Variants in ERG observed in about 807,000 individuals in gnomAD.
ERG encodes the protein ETS transcription factor ERG.
Under a neutral mutation model 55.3 loss-of-function variants are expected in ERG, and 9 were observed. That is an observed-to-expected ratio of 0.16 (90% confidence interval 0.10 to 0.28). The LOEUF (loss-of-function observed/expected upper bound fraction) is 0.28, where lower values mean the gene tolerates loss of function less well. Ranked by LOEUF, ERG falls within the 10% of genes least tolerant of loss-of-function variation. The probability of loss-of-function intolerance (pLI) is 1.00; values close to 1 mark genes in which losing one functional copy is unlikely to be tolerated. For missense variants in ERG, 434 were observed against 631.6 expected, an observed-to-expected ratio of 0.69 and a Z score of 3.35; for synonymous variants, 223 against 237.3, an observed-to-expected ratio of 0.94 and a Z score of 0.55.
chr21:38,619,586 C>T (rs1000468037), intron 1 of ERG, among the ~76,000 whole-genome samples: 1 of 152,240 alleles, frequency 6.6e-6, no homozygotes, highest in South Asian at 2.1e-4. Flanking sequence ...AGGGATAGCT[C>T]AGGAGGCCCT....
At chr21:38,371,089 T>G in the ERG span, among the ~76,000 whole-genome samples, 1 of 152,128 alleles carries the variant, frequency 6.6e-6, no homozygotes, top group Non-Finnish European at 1.5e-5. Context: ...TTAATGTTTT[T>G]AAATGAAGGT....
intron 1 of ERG, chr21:38,584,764 C>G (rs1175367457): frequency 6.6e-6 from 1 of 151,996 alleles, no homozygotes. Context: ...AGGAAAGATA[C>G]AAAATATTTA....
intron 1 of ERG, among the ~76,000 whole-genome samples, chr21:38,594,301 A>G (rs1260915258): frequency 1.3e-5 from 2 of 152,216 alleles, no homozygotes; most frequent in Non-Finnish European, 2.9e-5. Context: ...TATTTAAAAT[A>G]GAAATCATGA....
intron 1 of ERG, among the ~76,000 whole-genome samples, chr21:38,487,120 C>CT (rs5843910): frequency 0.15 from 19,189 of 127,388 alleles, 1,583 homozygotes; most frequent in East Asian, 0.4. Context: ...CCTCACTCCT[C>CT]TTTTTTTTTT....
At chr21:38,376,254 G>C (rs957813040), downstream of ERG, among the ~76,000 whole-genome samples, 1 of 152,188 alleles carries the variant, frequency 6.6e-6, no homozygotes, top group African/African-American at 2.4e-5. Context: ...AATATGATGA[G>C]GGGAGGGGTT....
intron 2 of ERG, among the ~76,000 whole-genome samples, chr21:38,511,935 CA>C: frequency 6.6e-6 from 1 of 152,286 alleles, no homozygotes; most frequent in South Asian, 2.1e-4. Context: ...AAGGTGCAAC[CA>C]AAAACTGTCC....
chr21:38,577,447 C>G (rs747854219), intron 1 of ERG, among the ~76,000 whole-genome samples: 3 of 152,050 alleles, frequency 2.0e-5, no homozygotes, highest in Non-Finnish European at 4.4e-5. Context: ...GTACTTCCCC[C>G]CACCCCCACC....
chr21:38,605,021 A>AT (rs967679687), intron 1 of ERG, among the ~76,000 whole-genome samples: 1 of 152,068 alleles, frequency 6.6e-6, no homozygotes, highest in Admixed American at 6.6e-5. Context: ...TAGATGAAAT[A>AT]TTTTTCTCCA....
intron 1 of ERG, among the ~76,000 whole-genome samples, chr21:38,636,771 A>G: frequency 6.6e-6 from 1 of 152,180 alleles, no homozygotes; most frequent in Non-Finnish European, 1.5e-5. Context: ...CTGACAGGAA[A>G]AAGAACTCTC....
intron 1 of ERG, among the ~76,000 whole-genome samples, chr21:38,636,649 T>C (rs2060390929): frequency 1.3e-5 from 2 of 152,152 alleles, no homozygotes; most frequent in South Asian, 2.1e-4. Flanking sequence ...AGGAAGAATG[T>C]ACTCTGGCCC....
intron 2 of ERG, among the ~76,000 whole-genome samples, chr21:38,435,121 C>A (rs183523902): frequency 1.3e-5 from 2 of 152,242 alleles, no homozygotes; most frequent in Admixed American, 6.5e-5. Context: ...TGCGAGAGAA[C>A]CCCCACAAGG....
intron 1 of ERG, among the ~76,000 whole-genome samples, chr21:38,579,907 G>A (rs1461138289): frequency 6.6e-6 from 1 of 150,666 alleles, no homozygotes; most frequent in African/African-American, 2.4e-5. Flanking sequence ...TGCAACCTCT[G>A]CCTCCCGGGT....
intron 1 of ERG, among the ~76,000 whole-genome samples, chr21:38,486,434 T>G (rs2059286340): frequency 6.6e-6 from 1 of 152,170 alleles, no homozygotes; most frequent in Non-Finnish European, 1.5e-5. Context: ...CTTTGTGATG[T>G]TTGCACGATG....
At chr21:38,376,517 A>T (rs955068759), downstream of ERG, among the ~76,000 whole-genome samples, 6 of 152,132 alleles carry the variant, frequency 3.9e-5, no homozygotes, top group Admixed American at 2.0e-4. Context: ...TGGTCTGCCC[A>T]CTGCAGGCTT....
At chr21:38,616,975 C>G (rs1457818644) in intron 1 of ERG, among the ~76,000 whole-genome samples, 1 of 152,206 alleles carries the variant, frequency 6.6e-6, no homozygotes, top group Non-Finnish European at 1.5e-5. Context: ...TACAATTAAT[C>G]TATGCATGAA....
At position 38,402,725 on chromosome 21, in the gene ERG, AAAAAAAG is replaced by A. The variant is rs900048784; in HGVS notation, c.593-95_593-89del. ...TTACCTTTCTTACAAAAAAAAAAAA[AAAAAAAG>A]AAAGAAAAAGAAAGAAAGAAAACCG... On this transcript the variant is annotated intron_variant, in intron 4 of 9. Transcript: ENST00000288319. The A allele has an allele frequency of 6.5e-5, 56 of 861,950 alleles. No individual in the cohort carries two copies. The African/African-American group carries it at 7.7e-4, about 12-fold the overall frequency. The allele number at this position is 861,950 out of a possible 1,614,324, so 53.4% of individuals were successfully genotyped here. A position where few individuals can be genotyped will look rare whatever the true frequency, so the allele number is the denominator to read the frequency against.
intron 1 of ERG, among the ~76,000 whole-genome samples, chr21:38,625,970 T>TGGA (rs1222924885): frequency 7.2e-6 from 1 of 138,972 alleles, no homozygotes; most frequent in African/African-American, 2.7e-5. Flanking sequence ...TTGCCCAGGC[T>TGGA]GGAGTGCAGT....
intron 2 of ERG, among the ~76,000 whole-genome samples, chr21:38,444,893 A>G (rs1292157959): frequency 6.6e-6 from 1 of 152,194 alleles, no homozygotes; most frequent in Non-Finnish European, 1.5e-5. Flanking sequence ...TTGTGAAAAC[A>G]TAAGACGGCA....
At chr21:38,624,936 G>A (rs1054878177) in intron 1 of ERG, among the ~76,000 whole-genome samples, 1 of 151,982 alleles carries the variant, frequency 6.6e-6, no homozygotes, top group African/African-American at 2.4e-5. Flanking sequence ...AAATAACCTG[G>A]CACATAGAAA....
Sources: gnomAD v4.1 joint callset for allele counts (sites outside exome capture counted in the v4.1 genomes callset) on GRCh38, gnomAD v4.1.1 for gene constraint, MANE v1.5 for transcripts, NCBI Gene and HGNC (gene_info 2026-07-23, HGNC 2026-07-21) for gene names.